The following TRPM6 variants were observed in gnomAD, a reference collection of about 807,000 sequenced individuals.
The protein encoded by TRPM6 is transient receptor potential cation channel subfamily M member 6.
A neutral mutation model predicts 247.6 loss-of-function variants in TRPM6; 111 were observed. The ratio of observed to expected loss-of-function variants is 0.45; its 90% CI spans 0.38 to 0.52. TRPM6 has a LOEUF of 0.52. Among genes scored for constraint, TRPM6 ranks in the 20% least tolerant of loss-of-function variants. The pLI is 0.00. For missense variants in TRPM6, 2,126 were observed against 2,421.5 expected (o/e 0.88, Z 2.56); for synonymous variants, 892 against 853.8 (o/e 1.04, Z -0.78).
At chr9:74,725,652 C>A (rs117608502) in intron 38 of TRPM6, among the ~76,000 whole-genome samples, 2,531 of 152,284 alleles carry the variant, frequency 0.017, 40 homozygotes, top group Non-Finnish European at 0.023. Context: ...AGTTTCCCTA[C>A]ACAAGCTCTC....
rs1587464945 is a variant in TRPM6, at chr9:74,748,043, T to C, written c.5058-129A>G. On this transcript the variant is annotated intron_variant, in intron 30 of 38. Transcript: ENST00000360774. ...ATTTTATATACATGTGAAATACATA[T>C]ACAGTCATGTACTGCCTAATGATGT... 6.2e-6 allele frequency: 5 copies of C among 807,764 alleles called. No homozygotes were observed. In the East Asian group the frequency reaches 1.0e-4, roughly 17 times the overall value. 50.0% of individuals were successfully genotyped at this position (807,764 alleles called of 1,614,324 possible). A position where few individuals can be genotyped will look rare whatever the true frequency, so the allele number is the denominator to read the frequency against.
intron 5 of TRPM6, among the ~76,000 whole-genome samples, chr9:74,836,429 T>G (rs1342350771): frequency 6.6e-6 from 1 of 152,170 alleles, no homozygotes; most frequent in Non-Finnish European, 1.5e-5. Context: ...CCAACTCATT[T>G]TCTGACCCTC....
chr9:74,836,992 A>G (rs779024610), intron 5 of TRPM6, among the ~76,000 whole-genome samples: 7 of 152,178 alleles, frequency 4.6e-5, no homozygotes, highest in Admixed American at 6.5e-5. Flanking sequence ...TTGAATCTCA[A>G]CTATAACCCA....
intron 38 of TRPM6, among the ~76,000 whole-genome samples, chr9:74,727,858 G>T (rs1269166500): frequency 2.0e-5 from 3 of 152,096 alleles, no homozygotes; most frequent in African/African-American, 7.2e-5. Context: ...GGCGAAATTA[G>T]AATAGAATAG....
At chr9:74,747,421 T>C (rs537880705) in intron 31 of TRPM6, among the ~76,000 whole-genome samples, 73 of 152,164 alleles carry the variant, frequency 4.8e-4, no homozygotes, top group Non-Finnish European at 8.4e-4. Flanking sequence ...AGTTTGTAAA[T>C]TGTAGTCAAG....
In TRPM6 at chr9:74,728,193, T is replaced by G. The variant is rs764083591; in HGVS notation, c.5935+46A>C. The G allele has an allele frequency of 2.8e-5, 37 of 1,333,318 alleles. 1 individual carries two copies. In the South Asian group the frequency reaches 4.4e-4, roughly 16 times the overall value. 82.6% of individuals were successfully genotyped at this position (1,333,318 alleles called of 1,614,324 possible). A position where few individuals can be genotyped will look rare whatever the true frequency, so the allele number is the denominator to read the frequency against. On this transcript the variant is annotated intron_variant, in intron 38 of 38. Coordinates refer to ENST00000360774, the MANE Select transcript of TRPM6 (RefSeq NM_017662.5). ...TATCCCAGGTTACAAAGGATGTTGTTCTATGAGAGATTTACTTAGAGAAAA... is the reference window on the plus strand; with the variant it reads ...TATCCCAGGTTACAAAGGATGTTGTGCTATGAGAGATTTACTTAGAGAAAA...
intron 1 of TRPM6, among the ~76,000 whole-genome samples, chr9:74,886,336 T>C (rs1293323753): frequency 6.6e-6 from 1 of 152,146 alleles, no homozygotes; most frequent in Non-Finnish European, 1.5e-5. Flanking sequence ...GCTTTATCAG[T>C]CCTGTAAGAA....
At position 74,746,738 on chromosome 9, in the gene TRPM6, C is replaced by A. The variant is rs1051850073; in HGVS notation, c.5083+1151G>T. 4.0e-5 allele frequency among the ~76,000 whole-genome samples: 6 copies of A among 150,316 alleles called. No individual in the cohort carries two copies. In the East Asian group the frequency reaches 1.2e-3, roughly 30 times the overall value. On this transcript the variant is annotated intron_variant, in intron 31 of 38. Coordinates refer to ENST00000360774, the MANE Select transcript of TRPM6 (RefSeq NM_017662.5). ...AGACTAAGACAAACTCAAGGGCAAA[C>A]GAAAGCATACACTTCTGTTTTGGAA...
In TRPM6 at chr9:74,724,520, G is replaced by A. The variant is rs1326027497; in HGVS notation, c.*93C>T. 5.1e-6 allele frequency: 8 copies of A among 1,564,230 alleles called. No homozygotes were observed. Among genetic ancestry groups the A allele is most frequent in the East Asian group, 4.5e-5 (2 of 44,598 alleles). On this transcript the variant is annotated 3_prime_UTR_variant, in exon 39 of 39. Transcript: ENST00000360774. ...CTCAGAAGGCGTGTCCCAAGGAGAC[G>A]CTGATGTAATCAACATCACGTTGAT... is the stretch of plus-strand genomic sequence containing the variant.
intron 31 of TRPM6, 31 bp from the exon 32 acceptor site, chr9:74,744,176 T>C (rs1230393989): frequency 6.2e-7 from 1 of 1,605,784 alleles, no homozygotes. Flanking sequence ...GGCATTTTAA[T>C]TACATGGCTG....
intron 27 of TRPM6, among the ~76,000 whole-genome samples, chr9:74,760,857 T>C (rs1826601586): frequency 6.6e-6 from 1 of 152,086 alleles, no homozygotes; most frequent in Non-Finnish European, 1.5e-5. Context: ...GACTAATGGA[T>C]TATGGAGGGG....
At chr9:74,840,827 T>TAAA (rs1564041852) in intron 4 of TRPM6, among the ~76,000 whole-genome samples, 2 of 62,232 alleles carry the variant, frequency 3.2e-5, no homozygotes, top group Non-Finnish European at 2.9e-5. Flanking sequence ...GGACTCTGTC[T>TAAA]CAAAAAAAAA....
At chr9:74,835,875 C>T (rs1192191331) in intron 5 of TRPM6, among the ~76,000 whole-genome samples, 1 of 152,146 alleles carries the variant, frequency 6.6e-6, no homozygotes, top group East Asian at 1.9e-4. Flanking sequence ...CCTGCTCCCA[C>T]ACAAACACAG....
intron 1 of TRPM6, among the ~76,000 whole-genome samples, chr9:74,869,123 G>A (rs1174126899): frequency 2.0e-5 from 3 of 152,128 alleles, no homozygotes; most frequent in Admixed American, 2.0e-4. Context: ...AAGAGATTCA[G>A]GAAAAAGGTT....
chr9:74,831,461 G>A (rs998446250), intron 6 of TRPM6, among the ~76,000 whole-genome samples: 6 of 152,042 alleles, frequency 3.9e-5, no homozygotes, highest in African/African-American at 1.4e-4. Context: ...CCACACTCCA[G>A]CCTGGGCAAC....
At chr9:74,821,492 C>G (rs958398416) in intron 8 of TRPM6, among the ~76,000 whole-genome samples, 177 bp downstream of exon 8, 1 of 152,198 alleles carries the variant, frequency 6.6e-6, no homozygotes, top group Non-Finnish European at 1.5e-5. Context: ...AATAGCAACT[C>G]TCATCGCTGA....
At chr9:74,860,369 G>T (rs1309525868) in intron 1 of TRPM6, among the ~76,000 whole-genome samples, 2 of 151,574 alleles carry the variant, frequency 1.3e-5, no homozygotes, top group African/African-American at 4.8e-5. Flanking sequence ...TTTTGAGACG[G>T]AGTCTTGCTC....
intron 23 of TRPM6, among the ~76,000 whole-genome samples, chr9:74,782,089 A>T (rs1010690992): frequency 1.3e-5 from 2 of 152,328 alleles, no homozygotes; most frequent in East Asian, 1.9e-4. Context: ...ATTTTCTATA[A>T]GGGACTGGAG....
chr9:74,752,240 C>T (rs376855826), intron 29 of TRPM6, 37 bp downstream of exon 29: 148 of 1,294,484 alleles, frequency 1.1e-4, no homozygotes, highest in Middle Eastern at 7.3e-4. Flanking sequence ...ACTGCATGCT[C>T]GAATGCTTTT....
Sources: gnomAD v4.1 joint callset for allele counts (sites outside exome capture counted in the v4.1 genomes callset) on GRCh38, gnomAD v4.1.1 for gene constraint, MANE v1.5 for transcripts, NCBI Gene and HGNC (gene_info 2026-07-23, HGNC 2026-07-21) for gene names.